The following PCBP3 variants were observed in gnomAD, a reference collection of about 807,000 sequenced individuals.
PCBP3 encodes poly(rC)-binding protein 3.
PCBP3 carries 25 observed loss-of-function variants against 52.7 expected under a neutral mutation model. That is an observed-to-expected ratio of 0.47 (90% CI 0.35 to 0.66). The LOEUF is 0.66. PCBP3 is among the 30% of genes least tolerant of loss of function. The probability of loss-of-function intolerance (pLI) is 0.01; values close to 1 mark genes in which losing one functional copy is unlikely to be tolerated. For missense variants in PCBP3, 391 were observed against 490.3 expected, an observed-to-expected ratio of 0.80 and a Z score of 1.91; for synonymous variants, 162 against 183.0, an observed-to-expected ratio of 0.89 and a Z score of 0.93.
Position 45,921,712 on chromosome 21 carries a change from G to A in PCBP3, c.717+4083G>A, listed in dbSNP as rs143528345. 9.2e-3 allele frequency among the ~76,000 whole-genome samples: 1,406 copies of A among 152,270 alleles called. 8 individuals carry two copies. Among genetic ancestry groups the A allele is most frequent in the Middle Eastern group, 0.02 (6 of 294 alleles). The stretch of plus-strand genomic sequence containing the variant: ...CACACGCCTGTAGTCCCAGCTACCC[G>A]GGAGGCTGAGGCGAGAGGATTGCCT... On this transcript the variant is annotated intron_variant, in intron 13 of 17. Transcript: ENST00000681687.
chr21:45,906,707 GTT>G (rs1302961040), intron 9 of PCBP3, among the ~76,000 whole-genome samples: 1 of 152,274 alleles, frequency 6.6e-6, no homozygotes, highest in African/African-American at 2.4e-5. Context: ...GGGCCGAGGA[GTT>G]CTCCGGGAGC....
intron 4 of PCBP3, among the ~76,000 whole-genome samples, 183 bp downstream of exon 4, chr21:45,755,635 G>A (rs2150452): frequency 0.69 from 104,646 of 152,110 alleles, 37,404 homozygotes; most frequent in African/African-American, 0.88. Context: ...ATGTAATGGT[G>A]TCACATTATA....
chr21:45,772,132 T>C lies in PCBP3; in HGVS notation c.-126+16680T>C, dbSNP rs549086262. 3.9e-5 allele frequency among the ~76,000 whole-genome samples: 6 copies of C among 152,312 alleles called. 1 individual carries two copies. The South Asian group carries it at 1.0e-3, about 26-fold the overall frequency. On this transcript the variant is annotated intron_variant, in intron 4 of 17. Transcript: ENST00000681687. The stretch of plus-strand genomic sequence containing the variant: ...ATAGTTTTGTTAAATACATTCACCC[T>C]ACTCTGATATTATTGGGTTTATTCC...
intron 13 of PCBP3, among the ~76,000 whole-genome samples, chr21:45,924,821 G>T (rs1183076645): frequency 2.3e-5 from 1 of 44,230 alleles, no homozygotes; most frequent in Non-Finnish European, 4.2e-5. Flanking sequence ...GAGGAGATGC[G>T]AACACCGGGA....
At position 45,790,240 on chromosome 21, in the gene PCBP3, C is replaced by T. The variant is rs180696407; in HGVS notation, c.-126+34788C>T. ...CCCAGGTGAGAGGTGGTCCCGAGGA[C>T]GTCATGAGAGGGTCAGATTCAGGAT... On this transcript the variant is annotated intron_variant, in intron 4 of 17. Transcript: ENST00000681687. Among the ~76,000 whole-genome samples the T allele has an allele frequency of 2.0e-5, 3 of 152,164 alleles. No individual in the cohort carries two copies. In the East Asian group the frequency reaches 5.8e-4, roughly 29 times the overall value.
At position 45,823,989 on chromosome 21, in the gene PCBP3, G is replaced by A. The variant is rs182013190; in HGVS notation, c.-125-25972G>A. ...ACTCCTGACCTCACGTAATTCACCC[G>A]CCTTGGCCTCCCAAAGTGCTGGGAT... On this transcript the variant is annotated intron_variant, in intron 4 of 17. Coordinates refer to ENST00000681687, the MANE Select transcript of PCBP3 (RefSeq NM_001384156.1). 3.7e-3 allele frequency among the ~76,000 whole-genome samples: 562 copies of A among 152,184 alleles called. 4 individuals are homozygous for A. The highest frequency in any genetic ancestry group is 1.2e-3 in the Non-Finnish European group (81 of 68,006).
chr21:45,848,757 G>T (rs531786668), intron 4 of PCBP3, among the ~76,000 whole-genome samples: 2 of 152,224 alleles, frequency 1.3e-5, no homozygotes, highest in South Asian at 4.2e-4. Flanking sequence ...GGACTGCAGC[G>T]CTGGGTGGGA....
At chr21:45,849,113 T>G (rs993637999) in intron 4 of PCBP3, among the ~76,000 whole-genome samples, 1 of 152,216 alleles carries the variant, frequency 6.6e-6, no homozygotes, top group Non-Finnish European at 1.5e-5. Flanking sequence ...TCTTATGCCT[T>G]GCTATGCTTT....
intron 6 of PCBP3, among the ~76,000 whole-genome samples, chr21:45,897,878 G>T (rs1334705734): frequency 6.6e-6 from 1 of 152,216 alleles, no homozygotes; most frequent in Non-Finnish European, 1.5e-5. Context: ...CAGCCCCACA[G>T]CACAGGGTCC....
rs1344852274 is a variant in PCBP3, at chr21:45,736,164, C to G, written c.-162+735C>G. ...GCTGCTGATGCTGATGAAGTAGTAC[C>G]AGCCAGCCTGATTTCATAACTTCCA... is the stretch of plus-strand genomic sequence containing the variant. On this transcript the variant is annotated intron_variant, in intron 3 of 17. Transcript: ENST00000681687. The surrounding 1 kb of genome is among the most constrained non-coding windows in gnomAD (Gnocchi z 4.6). Among the ~76,000 whole-genome samples, 2 of 152,206 alleles carry G rather than the reference C, an allele frequency of 1.3e-5. No individual in the cohort carries two copies. Among genetic ancestry groups the G allele is most frequent in the African/African-American group, 4.8e-5 (2 of 41,442 alleles).
intron 3 of PCBP3, among the ~76,000 whole-genome samples, chr21:45,752,428 G>A (rs2087604670): frequency 6.6e-6 from 1 of 151,816 alleles, no homozygotes; most frequent in African/African-American, 2.4e-5. Context: ...ATATAGATCA[G>A]CGTTTAAAGT....
intron 2 of PCBP3, among the ~76,000 whole-genome samples, chr21:45,686,554 T>TA (rs753424222): frequency 1.3e-5 from 2 of 151,540 alleles, no homozygotes; most frequent in African/African-American, 4.9e-5. Flanking sequence ...AGCAAGAAAA[T>TA]ATGGCCAAAA....
At chr21:45,714,106 C>T (rs766723001) in intron 2 of PCBP3, among the ~76,000 whole-genome samples, 4 of 152,160 alleles carry the variant, frequency 2.6e-5, no homozygotes, top group Non-Finnish European at 5.9e-5. Context: ...TCTGTGTTTT[C>T]GTTCTCTTCA....
At chr21:45,931,733 C>A (rs1412621589) in intron 15 of PCBP3, among the ~76,000 whole-genome samples, 3 of 152,072 alleles carry the variant, frequency 2.0e-5, no homozygotes, top group African/African-American at 7.3e-5. Flanking sequence ...GTCGGCCGTG[C>A]CGTCCTGAAA....
intron 4 of PCBP3, among the ~76,000 whole-genome samples, chr21:45,798,133 TAG>T (rs2092089831): frequency 8.5e-6 from 1 of 118,044 alleles, no homozygotes; most frequent in Admixed American, 8.7e-5. Flanking sequence ...CATGTATCCA[TAG>T]AGAGTGAATG....
intron 5 of PCBP3, among the ~76,000 whole-genome samples, chr21:45,894,535 G>A (rs2095772308): frequency 6.6e-6 from 1 of 152,206 alleles, no homozygotes; most frequent in Non-Finnish European, 1.5e-5. Flanking sequence ...CATTTGAACT[G>A]ATACTCTGCT....
At chr21:45,823,720 GT>G (rs2093218827) in intron 4 of PCBP3, among the ~76,000 whole-genome samples, 1 of 73,564 alleles carries the variant, frequency 1.4e-5, no homozygotes, top group African/African-American at 5.3e-5. Flanking sequence ...GGCAAAGTAG[GT>G]GTTTTTTTTT....
rs941444185 is a variant in PCBP3, at chr21:45,880,829, C to T, written c.11-15379C>T. On this transcript the variant is annotated intron_variant, in intron 5 of 17. Transcript: ENST00000681687. This position sits in a 1 kb window ranked among gnomAD's most constrained non-coding sequence, Gnocchi z 5.4. ...GGAAGCCAGGGAGCCAGCGGGAGGG[C>T]AGGGAGCAGTGACAAACAAGACCAA... 1.3e-5 allele frequency among the ~76,000 whole-genome samples: 2 copies of T among 152,128 alleles called. No homozygotes were observed. Among genetic ancestry groups the T allele is most frequent in the African/African-American group, 4.8e-5 (2 of 41,428 alleles).
At chr21:45,653,926 A>G (rs1431981239) in intron 1 of PCBP3, among the ~76,000 whole-genome samples, 1 of 152,086 alleles carries the variant, frequency 6.6e-6, no homozygotes, top group East Asian at 1.9e-4. Context: ...GTTATTGTGT[A>G]AATTGTTACT....
Sources: gnomAD v4.1 joint callset for allele counts (sites outside exome capture counted in the v4.1 genomes callset) on GRCh38, gnomAD v4.1.1 for gene constraint, Gnocchi (gnomAD v3.1) non-coding constraint, MANE v1.5 for transcripts, NCBI Gene and HGNC (gene_info 2026-07-23, HGNC 2026-07-21) for gene names.